UNC5D: variants seen among roughly 807,000 people sequenced by gnomAD.
The protein encoded by UNC5D is netrin receptor UNC5D.
In UNC5D, 39 loss-of-function variants were observed where a neutral mutation model predicts 105.4. The ratio of observed to expected loss-of-function variants is 0.37; its 90% CI spans 0.29 to 0.48. The LOEUF (loss-of-function observed/expected upper bound fraction) is 0.48. UNC5D is among the 20% of genes least tolerant of loss of function. The probability of loss-of-function intolerance (pLI) is 0.98; values close to 1 mark genes in which losing one functional copy is unlikely to be tolerated. For missense variants in UNC5D, 991 were observed against 1,202.4 expected (o/e 0.82, Z 2.60); for synonymous variants, 452 against 450.4 (o/e 1.00, Z -0.04).
intron 1 of UNC5D, among the ~76,000 whole-genome samples, chr8:35,521,999 C>T (rs1447739244): frequency 1.3e-5 from 2 of 152,102 alleles, no homozygotes; most frequent in Admixed American, 6.6e-5. Flanking sequence ...AGATACTGAA[C>T]TTAACATCCC....
intron 6 of UNC5D, among the ~76,000 whole-genome samples, chr8:35,685,027 C>G (rs1049172778): frequency 6.6e-6 from 1 of 152,170 alleles, no homozygotes; most frequent in African/African-American, 2.4e-5. Flanking sequence ...ATACTGCTAG[C>G]ATTTGGTTGG....
intron 1 of UNC5D, among the ~76,000 whole-genome samples, chr8:35,491,282 A>G (rs1223105556): frequency 6.6e-6 from 1 of 152,104 alleles, no homozygotes; most frequent in East Asian, 1.9e-4. Flanking sequence ...AGGATGTGTG[A>G]TTATTTATTT....
At chr8:35,567,701 A>C (rs1265438366) in intron 2 of UNC5D, among the ~76,000 whole-genome samples, 1 of 152,064 alleles carries the variant, frequency 6.6e-6, no homozygotes. Context: ...CCAAACCCAG[A>C]CGTAGGGGCA....
chr8:35,690,411 T>A, intron 7 of UNC5D, among the ~76,000 whole-genome samples: 1 of 152,062 alleles, frequency 6.6e-6, no homozygotes, highest in East Asian at 1.9e-4. Context: ...GGAGAATCAC[T>A]TGAGTCCAAG....
At chr8:35,405,633 T>G (rs570165680) in intron 1 of UNC5D, among the ~76,000 whole-genome samples, 4 of 152,202 alleles carry the variant, frequency 2.6e-5, no homozygotes, top group African/African-American at 9.6e-5. Context: ...CTTCATTTGG[T>G]AATGACGGTT....
intron 1 of UNC5D, among the ~76,000 whole-genome samples, chr8:35,373,232 T>C (rs1003557188): frequency 1.3e-5 from 2 of 152,212 alleles, no homozygotes; most frequent in African/African-American, 4.8e-5. Flanking sequence ...AGAATAGTTT[T>C]GCTTTTTTAA....
intron 3 of UNC5D, among the ~76,000 whole-genome samples, chr8:35,581,131 CTGTCTTCT>C (rs1347796918): frequency 1.3e-5 from 2 of 152,134 alleles, no homozygotes; most frequent in African/African-American, 2.4e-5. Flanking sequence ...CTTGGTTTTA[CTGTCTTCT>C]GGTTTTCCTT....
At chr8:35,599,182 GA>G (rs1264353162) in intron 4 of UNC5D, among the ~76,000 whole-genome samples, 2 of 132,796 alleles carry the variant, frequency 1.5e-5, no homozygotes, top group East Asian at 4.9e-4. Context: ...TGAAGTCACA[GA>G]ACTAGAGTAG....
intron 1 of UNC5D, among the ~76,000 whole-genome samples, chr8:35,418,145 T>TA (rs1283861347): frequency 6.6e-6 from 1 of 151,960 alleles, no homozygotes; most frequent in Admixed American, 6.6e-5. Flanking sequence ...TTTACTTTAT[T>TA]AAAAAAAATT....
intron 3 of UNC5D, among the ~76,000 whole-genome samples, chr8:35,573,981 AC>A (rs1817926977): frequency 6.6e-6 from 1 of 152,172 alleles, no homozygotes; most frequent in South Asian, 2.1e-4. Flanking sequence ...TCTCTAGGGA[AC>A]AACTCCCACG....
chr8:35,711,422 C>T (rs149680557), intron 8 of UNC5D, among the ~76,000 whole-genome samples: 17 of 152,112 alleles, frequency 1.1e-4, no homozygotes, highest in African/African-American at 3.4e-4. Context: ...TCAGGTGATC[C>T]GCCTGCCTTA....
chr8:35,634,610 T>C (rs1223045505), intron 4 of UNC5D, among the ~76,000 whole-genome samples: 1 of 152,124 alleles, frequency 6.6e-6, no homozygotes, highest in Non-Finnish European at 1.5e-5. Context: ...AGTTATTTAG[T>C]TTTGAAAGGT....
chr8:35,619,504 A>G (rs1821225227), intron 4 of UNC5D, among the ~76,000 whole-genome samples: 1 of 152,038 alleles, frequency 6.6e-6, no homozygotes, highest in African/African-American at 2.4e-5. Context: ...AAAAAACTGG[A>G]CTTTTCACTC....
At chr8:35,712,623 C>T (rs1828029815) in intron 8 of UNC5D, among the ~76,000 whole-genome samples, 1 of 152,168 alleles carries the variant, frequency 6.6e-6, no homozygotes, top group Non-Finnish European at 1.5e-5. Flanking sequence ...CCCCAAAATG[C>T]AGAGGGTTCA....
chr8:35,788,875 C>A (rs2131808735), intron 16 of UNC5D, among the ~76,000 whole-genome samples: 1 of 151,918 alleles, frequency 6.6e-6, no homozygotes, highest in Admixed American at 6.6e-5. Context: ...GAGACACACA[C>A]AAAAAACTGA....
At chr8:35,761,710 C>T (rs777608572) in intron 14 of UNC5D, among the ~76,000 whole-genome samples, 19 of 152,152 alleles carry the variant, frequency 1.2e-4, no homozygotes, top group Non-Finnish European at 2.2e-4. Context: ...CCGCTCTATT[C>T]CTCCTTTCTC....
intron 1 of UNC5D, among the ~76,000 whole-genome samples, chr8:35,384,109 G>A (rs1486164343): frequency 6.6e-6 from 1 of 151,776 alleles, no homozygotes; most frequent in African/African-American, 2.4e-5. Context: ...CCAGCTGCTG[G>A]GGAGGCTGAG....
At chr8:35,614,877 G>T (rs527528627) in intron 4 of UNC5D, among the ~76,000 whole-genome samples, 1 of 152,088 alleles carries the variant, frequency 6.6e-6, no homozygotes, top group South Asian at 2.1e-4. Context: ...TTTCCCTCTT[G>T]TTCTGTACTT....
chr8:35,279,051 C>G (rs570210154), intron 1 of UNC5D, among the ~76,000 whole-genome samples: 7 of 152,074 alleles, frequency 4.6e-5, no homozygotes, highest in Non-Finnish European at 2.9e-5. Flanking sequence ...CAATTTCTGC[C>G]CTGTCCCAGG....
Sources: allele counts gnomAD v4.1 joint callset (sites outside exome capture counted in the v4.1 genomes callset), GRCh38; gene constraint gnomAD v4.1.1; transcripts MANE v1.5; gene names NCBI Gene and HGNC (gene_info 2026-07-23, HGNC 2026-07-21).